Variants in PHLPP1 observed in about 807,000 individuals in gnomAD.
PHLPP1 encodes the protein PH domain leucine-rich repeat-containing protein phosphatase 1.
In PHLPP1, 42 loss-of-function variants were observed where a neutral mutation model predicts 117.2. The observed-to-expected ratio is 0.36, with a 90% CI of 0.28 to 0.46. The LOEUF (loss-of-function observed/expected upper bound fraction) is 0.46, where lower values mean the gene tolerates loss of function less well. Ranked by LOEUF, PHLPP1 falls within the 20% of genes least tolerant of loss-of-function variation. PHLPP1 has a pLI of 1.00. For synonymous variants in PHLPP1, 1,042 were observed against 970.7 expected (o/e 1.07, Z -1.37); for missense variants, 2,084 against 2,241.9 (o/e 0.93, Z 1.42).
intron 1 of PHLPP1, among the ~76,000 whole-genome samples, chr18:62,733,475 T>C (rs913799641): frequency 6.6e-5 from 10 of 152,240 alleles, no homozygotes; most frequent in Non-Finnish European, 1.5e-4. Flanking sequence ...TATTGTGATA[T>C]TCGCCCTATA....
At chr18:62,906,538 G>C (rs1190997577) in intron 8 of PHLPP1, 1 of 134,660 alleles carries the variant, frequency 7.4e-6, no homozygotes, top group African/African-American at 2.8e-5. Context: ...TCAAAGAAAG[G>C]GGTGACGGAC....
intron 3 of PHLPP1, among the ~76,000 whole-genome samples, chr18:62,857,009 G>A (rs1242716824): frequency 6.6e-6 from 1 of 151,900 alleles, no homozygotes; most frequent in African/African-American, 2.4e-5. Flanking sequence ...TAATAGGGGA[G>A]GGATCTTCAT....
intron 4 of PHLPP1, among the ~76,000 whole-genome samples, chr18:62,870,274 A>G (rs142037083): frequency 3.3e-5 from 5 of 152,286 alleles, no homozygotes; most frequent in African/African-American, 1.2e-4. Context: ...TTTTATTGCT[A>G]AGATTCCAGA....
intron 10 of PHLPP1, among the ~76,000 whole-genome samples, chr18:62,925,456 T>TTTGACTATCTTTTGACATTCTGATGTATC (rs1568163568): frequency 1.4e-4 from 21 of 152,210 alleles, no homozygotes; most frequent in African/African-American, 4.6e-4. Flanking sequence ...TAATTGCTCA[T>TTTGACTATCTTTTGACATTCTGATGTATC]GTGTGCTTAT....
intron 1 of PHLPP1, among the ~76,000 whole-genome samples, chr18:62,742,602 AT>A (rs1426279764): frequency 2.6e-5 from 4 of 152,066 alleles, no homozygotes; most frequent in African/African-American, 7.2e-5. Context: ...TGCCTGGCTA[AT>A]TTTTGTATTT....
intron 11 of PHLPP1, 91 bp from the exon 12 acceptor site, chr18:62,945,018 T>C: frequency 1.0e-6 from 1 of 975,316 alleles, no homozygotes; most frequent in Non-Finnish European, 1.4e-6. Context: ...CTGTTACAAA[T>C]GAATCCTTAA....
chr18:62,802,495 A>G (rs1913816942), intron 1 of PHLPP1, among the ~76,000 whole-genome samples: 1 of 152,214 alleles, frequency 6.6e-6, no homozygotes, highest in South Asian at 2.1e-4. Context: ...ATGGCTCCAG[A>G]ACATCATAGT....
intron 1 of PHLPP1, among the ~76,000 whole-genome samples, chr18:62,720,038 A>G (rs1334612635): frequency 1.3e-5 from 2 of 152,220 alleles, no homozygotes; most frequent in African/African-American, 4.8e-5. Flanking sequence ...TTGTTATAGC[A>G]TCTACCAGGC....
chr18:62,946,732 A>G (rs189348398), intron 12 of PHLPP1, among the ~76,000 whole-genome samples: 11 of 152,276 alleles, frequency 7.2e-5, no homozygotes, highest in Non-Finnish European at 1.5e-4. Context: ...CATACATCAC[A>G]GTGGCATTTT....
chr18:62,790,306 G>A (rs1913420611), intron 1 of PHLPP1, among the ~76,000 whole-genome samples: 1 of 152,140 alleles, frequency 6.6e-6, no homozygotes, highest in Non-Finnish European at 1.5e-5. Context: ...ATCAAAAGTA[G>A]CATTCATAAA....
At chr18:62,939,556 G>GCTC (rs1172627030) in intron 10 of PHLPP1, among the ~76,000 whole-genome samples, 2 of 151,286 alleles carry the variant, frequency 1.3e-5, no homozygotes, top group Non-Finnish European at 2.9e-5. Context: ...CTGCAGGAGT[G>GCTC]ACCTTTATTT....
At chr18:62,773,116 T>C (rs1912844714) in intron 1 of PHLPP1, among the ~76,000 whole-genome samples, 2 of 152,308 alleles carry the variant, frequency 1.3e-5, no homozygotes, top group East Asian at 1.9e-4. Context: ...TTTGTCATGC[T>C]GGGAACCCTA....
chr18:62,882,422 C>G (rs1718123160), intron 4 of PHLPP1, among the ~76,000 whole-genome samples: 1 of 152,118 alleles, frequency 6.6e-6, no homozygotes, highest in Non-Finnish European at 1.5e-5. Context: ...GCGCCCGCCA[C>G]CGCGCCTGGA....
In PHLPP1 at chr18:62,826,772, G is replaced by A. The variant is rs554504482; in HGVS notation, c.1577-3263G>A. 1.5e-3 allele frequency among the ~76,000 whole-genome samples: 231 copies of A among 152,274 alleles called. 1 individual carries two copies. The highest frequency in any genetic ancestry group is 3.4e-3 in the Middle Eastern group (1 of 294). On this transcript the variant is annotated intron_variant, in intron 1 of 16. Transcript: ENST00000262719. Reference sequence around the variant, plus strand: ...AATCCCAGCACTTTGGGAGGCCGAGGTGGGTGGATCACGAGGTCAGGAGTT... The same window carrying A: ...AATCCCAGCACTTTGGGAGGCCGAGATGGGTGGATCACGAGGTCAGGAGTT...
chr18:62,953,900 G>A (rs958466979), intron 12 of PHLPP1, among the ~76,000 whole-genome samples: 1 of 152,090 alleles, frequency 6.6e-6, no homozygotes, highest in African/African-American at 2.4e-5. Flanking sequence ...TCTAGCAGCC[G>A]GTAGGTTAAG....
At chr18:62,848,011 T>C (rs762025415) in intron 3 of PHLPP1, among the ~76,000 whole-genome samples, 5 of 152,264 alleles carry the variant, frequency 3.3e-5, no homozygotes, top group Non-Finnish European at 7.3e-5. Context: ...TCCTTAGCAG[T>C]CTATTTTCAG....
intron 12 of PHLPP1, among the ~76,000 whole-genome samples, chr18:62,951,626 C>G (rs1318478680): frequency 6.6e-6 from 1 of 151,988 alleles, no homozygotes; most frequent in African/African-American, 2.4e-5. Context: ...TTTCAAGTCT[C>G]TTTTTCAGTC....
chr18:62,853,856 T>C (rs1177390434), intron 3 of PHLPP1, among the ~76,000 whole-genome samples: 2 of 152,238 alleles, frequency 1.3e-5, no homozygotes, highest in Non-Finnish European at 2.9e-5. Context: ...CTTTTATTGC[T>C]TGGAGTGGTA....
chr18:62,791,869 A>G (rs900694696), intron 1 of PHLPP1, among the ~76,000 whole-genome samples: 9 of 152,178 alleles, frequency 5.9e-5, no homozygotes, highest in African/African-American at 2.2e-4. Context: ...ACTTGAAGGA[A>G]AGCAACCTTA....
Sources: gnomAD v4.1 joint callset for allele counts (sites outside exome capture counted in the v4.1 genomes callset) on GRCh38, gnomAD v4.1.1 for gene constraint, MANE v1.5 for transcripts, NCBI Gene and HGNC (gene_info 2026-07-23, HGNC 2026-07-21) for gene names.